The following SPTBN5 variants were observed in gnomAD, a reference collection of about 807,000 sequenced individuals.
SPTBN5 encodes the protein spectrin beta, non-erythrocytic 5.
SPTBN5 carries 513 observed loss-of-function variants against 477.6 expected under a neutral mutation model. The ratio of observed to expected loss-of-function variants is 1.07; its 90% CI spans 1.00 to 1.16. SPTBN5 has a LOEUF of 1.16. SPTBN5 is among the 50% of genes most tolerant of loss of function. The pLI, the probability that SPTBN5 is intolerant of heterozygous loss-of-function variation, is 0.00. For missense variants in SPTBN5, 5,062 were observed against 4,731.8 expected, an observed-to-expected ratio of 1.07 and a Z score of -2.05; for synonymous variants, 2,169 against 2,011.7, an observed-to-expected ratio of 1.08 and a Z score of -2.09.
chr15:41,861,891 G>A lies in SPTBN5; in HGVS notation c.7581C>T (p.Ser2527=). 1 of 1,607,614 alleles carries A rather than the reference G, an allele frequency of 6.2e-7. No individual in the cohort carries two copies. Among genetic ancestry groups the A allele is most frequent in the South Asian group, 1.1e-5 (1 of 90,470 alleles). ...GTTGCTGCCCAGTGCTTCGGGCCAG[G>A]CTGATGCTGTCTGTCCAGGAGTCCA... ...AELDSWTDSI[S]LARSTGQQLL... is the part of the protein sequence containing the mutation. Residue 2527 remains serine (S), a synonymous_variant, in exon 45 of 68, where the codon AGC becomes AGT. Transcript: ENST00000320955.
Position 41,876,910 on chromosome 15 carries a change from G to A in SPTBN5, c.3750C>T (p.His1250=), listed in dbSNP as rs748026171. 1 of 1,610,254 alleles carries A rather than the reference G, an allele frequency of 6.2e-7. No individual in the cohort carries two copies. Among genetic ancestry groups the A allele is most frequent in the East Asian group, 2.2e-5 (1 of 44,874 alleles). The change falls in exon 19 of 68, where the codon CAC becomes CAT. Residue 1250 remains histidine, a synonymous_variant. Coordinates refer to ENST00000320955, the MANE Select transcript of SPTBN5 (RefSeq NM_016642.4). ...TGCTCAGGAGCCGCCCAAACTCCCG[G>A]TGCTGCTGCAGCAGGCTCAGGGCCT... ...VREALSLLQQ[H]REFGRLLSTL...
Position 41,894,034 on chromosome 15 carries a change from T to C in SPTBN5, c.-185A>G. On this transcript the variant is annotated 5_prime_UTR_variant, in exon 1 of 68. Coordinates refer to ENST00000320955, the MANE Select transcript of SPTBN5 (RefSeq NM_016642.4). ...GCAGGGCTGCACCACAGCCCTCCCC[T>C]TGAGCCAGCGTGCTGGGGTGACGGC... 1 of 163,576 alleles carries C rather than the reference T, an allele frequency of 6.1e-6. No individual in the cohort carries two copies. Among genetic ancestry groups the C allele is most frequent in the Non-Finnish European group, 1.3e-5 (1 of 74,276 alleles). The allele number at this position is 163,576 out of a possible 1,614,324, so 10.1% of individuals were successfully genotyped here.
chr15:41,862,491 G>T, intron 43 of SPTBN5, 48 bp downstream of exon 43: 1 of 1,567,744 alleles, frequency 6.4e-7, no homozygotes, highest in South Asian at 1.2e-5. Context: ...TGTGGGGACT[G>T]AGATGCTGGA....
intron 47 of SPTBN5, among the ~76,000 whole-genome samples, chr15:41,860,009 A>G (rs2066050170): frequency 6.6e-6 from 1 of 152,196 alleles, no homozygotes; most frequent in Non-Finnish European, 1.5e-5. Flanking sequence ...AAACCTGATG[A>G]GCTTTTACAG....
At position 41,867,721 on chromosome 15, in the gene SPTBN5, A is replaced by C; in HGVS notation, c.6208-79T>G. The C allele has an allele frequency of 2.9e-6, 4 of 1,358,834 alleles. No individual in the cohort carries two copies. In the South Asian group the frequency reaches 3.5e-5, roughly 12 times the overall value. The allele number at this position is 1,358,834 out of a possible 1,614,324, so 84.2% of individuals were successfully genotyped here. On this transcript the variant is annotated intron_variant, in intron 34 of 67. Coordinates refer to ENST00000320955, the MANE Select transcript of SPTBN5 (RefSeq NM_016642.4). ...CCAGCTGCAGTCTGTGCCCATGGGC[A>C]CTCTGGGTATGGCAGGGCCTTAGGA...
At position 41,881,952 on chromosome 15, in the gene SPTBN5, C is replaced by A. The variant is rs1438217519; in HGVS notation, c.2441G>T (p.Arg814Leu). 2 of 1,528,470 alleles carry A rather than the reference C, an allele frequency of 1.3e-6. No individual in the cohort carries two copies. Among genetic ancestry groups the A allele is most frequent in the Non-Finnish European group, 8.7e-7 (1 of 1,146,876 alleles). 94.7% of individuals were successfully genotyped at this position (1,528,470 alleles called of 1,614,324 possible). Residue 814 changes from arginine to leucine, a missense_variant, in exon 12 of 68, where the codon CGG becomes CTG. By Grantham distance (102) the Arg-to-Leu change is moderately radical. Transcript: ENST00000320955. ...LEEQGRAASA[R>L]ASLFTVNSAL... ...CGTCCTCACCGTGAATAACGACGCCCGGGCCGAGGCCGCCCGCCCCTGCTC... is the reference window on the plus strand; with the variant it reads ...CGTCCTCACCGTGAATAACGACGCCAGGGCCGAGGCCGCCCGCCCCTGCTC...
rs775575245 is a variant in SPTBN5 at position 41,880,299 on chromosome 15, C to T, written c.2672G>A (p.Arg891Gln). 65 of 1,603,160 alleles carry T rather than the reference C, an allele frequency of 4.1e-5. No individual in the cohort carries two copies. The highest frequency in any genetic ancestry group is 5.1e-5 in the Non-Finnish European group (60 of 1,175,884). The change falls in exon 14 of 68, where the codon CGG (arginine) becomes CAG (glutamine). Residue 891 changes from arginine (R) to glutamine (Q), a missense_variant. Arg to Gln is a conservative substitution (Grantham distance 43). Coordinates refer to ENST00000320955, the MANE Select transcript of SPTBN5 (RefSeq NM_016642.4). ...GAACAGGGCCATGGCCTCCTCCAAC[C>T]GGGCCCTGCGGAGCTGGGGAGAGGT... ...LRALAQLRRA[R>Q]LEEAMALFGF... is the part of the protein sequence containing the mutation.
In SPTBN5 at chr15:41,857,491, G is replaced by A. The variant is rs765119102; in HGVS notation, c.8368C>T (p.Leu2790=). 1.2e-6 allele frequency: 2 copies of A among 1,608,078 alleles called. No homozygotes were observed. The highest frequency in any genetic ancestry group is 1.3e-5 in the African/African-American group (1 of 74,858). The change falls in exon 51 of 68, where the codon CTG becomes TTG. Residue 2790 remains leucine, a synonymous_variant. Transcript: ENST00000320955. The part of the protein sequence containing the change: ...VAKLQKACEA[L]RLRRSMEELE... The stretch of plus-strand genomic sequence containing the variant: ...TCCTCCATGCTCCGCCGCAGACGCA[G>A]GGCCTAGGGTAGAAAGTGAGGTAGG...
chr15:41,880,458 GC>G, intron 13 of SPTBN5, 146 bp from the exon 14 acceptor site: 2 of 851,466 alleles, frequency 2.3e-6, no homozygotes, highest in Non-Finnish European at 3.6e-6. Flanking sequence ...TCACTGCTGG[GC>G]CCCACATCCT....
At chr15:41,857,183 TG>T in intron 51 of SPTBN5, 54 bp downstream of exon 51, 1 of 1,541,312 alleles carries the variant, frequency 6.5e-7, no homozygotes, top group Non-Finnish European at 8.8e-7. Flanking sequence ...AGGGCAGGGG[TG>T]GGGGTCCCTC....
rs145166151 is a variant in SPTBN5 at position 41,857,541 on chromosome 15, G to A, written c.8364+32C>T. On this transcript the variant is annotated intron_variant, in intron 50 of 67. Coordinates refer to ENST00000320955, the MANE Select transcript of SPTBN5 (RefSeq NM_016642.4). ...GCAGGAGGGGAGTGTCCTGGAGCCC[G>A]GCCAGCCACCCCTCGGCCTGCACAA... 3,360 of 1,603,768 alleles carry A rather than the reference G, an allele frequency of 2.1e-3. 8 individuals carry two copies. The highest frequency in any genetic ancestry group is 3.7e-3 in the South Asian group (335 of 90,232).
At chr15:41,863,024 C>A (rs547897368) in intron 41 of SPTBN5, 121 bp from the exon 42 acceptor site, 1 of 867,930 alleles carries the variant, frequency 1.2e-6, no homozygotes, top group East Asian at 2.7e-5. Context: ...TTCCTGGCCC[C>A]GACTTTGAGG....
In SPTBN5 at chr15:41,848,257, C is replaced by T. The variant is rs763157535; in HGVS notation, c.*359G>A. On this transcript the variant is annotated 3_prime_UTR_variant, in exon 68 of 68. Coordinates refer to ENST00000320955, the MANE Select transcript of SPTBN5 (RefSeq NM_016642.4). ...AGCTCGCTCATCAGTGTTCTTCCTCCGAAGAGCACATTCTCTGCACACGTC... is the reference window on the plus strand; with the variant it reads ...AGCTCGCTCATCAGTGTTCTTCCTCTGAAGAGCACATTCTCTGCACACGTC... 31 of 494,512 alleles carry T rather than the reference C, an allele frequency of 6.3e-5. No homozygotes were observed. The highest frequency in any genetic ancestry group is 1.7e-4 in the African/African-American group (9 of 51,718). 30.6% of individuals were successfully genotyped at this position (494,512 alleles called of 1,614,324 possible). A position where few individuals can be genotyped will look rare whatever the true frequency, so the allele number is the denominator to read the frequency against.
chr15:41,852,076 C>T, intron 62 of SPTBN5, 106 bp downstream of exon 62: 6 of 1,412,320 alleles, frequency 4.2e-6, no homozygotes, highest in Non-Finnish European at 5.7e-6. Flanking sequence ...CCCGGGCTCC[C>T]AGCACTGGCT....
Position 41,882,035 on chromosome 15 carries a change from G to T in SPTBN5, c.2358C>A (p.Arg786=). 1 of 1,549,824 alleles carries T rather than the reference G, an allele frequency of 6.5e-7. No individual in the cohort carries two copies. The highest frequency in any genetic ancestry group is 8.6e-7 in the Non-Finnish European group (1 of 1,158,916). The change falls in exon 12 of 68, where the codon CGC becomes CGA. Residue 786 remains arginine, a synonymous_variant. Coordinates refer to ENST00000320955, the MANE Select transcript of SPTBN5 (RefSeq NM_016642.4). The part of the protein sequence containing the change: ...DQAAAETLLR[R]HVRLERVLRA... Reference sequence around the variant, plus strand: ...GCAGGACGCGCTCCAGCCGCACGTGGCGCCTCAGCAGGGTCTCGGCGGCCG... The same window carrying T: ...GCAGGACGCGCTCCAGCCGCACGTGTCGCCTCAGCAGGGTCTCGGCGGCCG...
At chr15:41,890,590 A>G (rs1197697) in intron 3 of SPTBN5, among the ~76,000 whole-genome samples, 21,149 of 152,292 alleles carry the variant, frequency 0.14, 1,853 homozygotes, top group South Asian at 0.24. Context: ...GTCTGCCTCC[A>G]TCTCCCAGGG....
Position 41,848,442 on chromosome 15 carries a change from A to G in SPTBN5, c.*174T>C, listed in dbSNP as rs1226755593. On this transcript the variant is annotated 3_prime_UTR_variant, in exon 68 of 68. Transcript: ENST00000320955. ...CCAGGCAATGGCTGTTTCCTGCCAC[A>G]TGGTAGGACCCATCTAACCAGAAGG... The G allele has an allele frequency of 7.0e-6, 5 of 718,902 alleles. No homozygotes were observed. Among genetic ancestry groups the G allele is most frequent in the East Asian group, 5.3e-5 (2 of 37,744 alleles). The allele number at this position is 718,902 out of a possible 1,614,324, so 44.5% of individuals were successfully genotyped here.
intron 6 of SPTBN5, 133 bp downstream of exon 6, chr15:41,887,080 T>G: frequency 1.3e-6 from 1 of 761,946 alleles, no homozygotes; most frequent in Non-Finnish European, 2.2e-6. Flanking sequence ...CATCTCCATG[T>G]GATAGAGGGT....
At position 41,882,614 on chromosome 15, in the gene SPTBN5, G is replaced by T. The variant is rs751714063; in HGVS notation, c.2017C>A (p.Gln673Lys). ...GNAALGRDLS[Q>K]IAGALQKHKA... is the part of the protein sequence containing the mutation. The stretch of plus-strand genomic sequence containing the variant: ...TGTTTCTGCAGGGCGCCTGCGATCT[G>T]GCTGAGATCCCGGCCCAGGGCCGCA... Residue 673 changes from glutamine to lysine, a missense_variant, in exon 10 of 68, where the codon CAG (glutamine) becomes AAG (lysine). Transcript: ENST00000320955. 3.9e-4 allele frequency: 629 copies of T among 1,605,718 alleles called. 1 individual carries two copies. Among genetic ancestry groups the T allele is most frequent in the Non-Finnish European group, 5.2e-4 (613 of 1,177,298 alleles).
Sources: allele counts gnomAD v4.1 joint callset (sites outside exome capture counted in the v4.1 genomes callset), GRCh38; gene constraint gnomAD v4.1.1; transcripts MANE v1.5; gene names NCBI Gene and HGNC (gene_info 2026-07-23, HGNC 2026-07-21).